PKIB: variants seen among roughly 807,000 people sequenced by gnomAD.
PKIB encodes PKI-beta.
In PKIB, 2 loss-of-function variants were observed where a neutral mutation model predicts 4.5. That is an observed-to-expected ratio of 0.44 (90% CI 0.18 to 1.39). PKIB has a LOEUF of 1.39. Among genes scored for constraint, PKIB ranks in the 40% most tolerant of loss-of-function variants. PKIB has a pLI of 0.27. For missense variants in PKIB, 94 were observed against 92.6 expected, an observed-to-expected ratio of 1.02 and a Z score of -0.06; for synonymous variants, 38 against 36.0, an observed-to-expected ratio of 1.06 and a Z score of -0.20.
rs1779904538 is a variant in PKIB, at chr6:122,725,143, A to G, written c.185A>G (p.Asp62Gly). 1.9e-6 allele frequency: 3 copies of G among 1,610,218 alleles called. No homozygotes were observed. Among genetic ancestry groups the G allele is most frequent in the African/African-American group, 1.3e-5 (1 of 74,624 alleles). ...LSVKEDAKEKDEKTTQDQLEK... is the reference protein window; with the variant it reads ...LSVKEDAKEKGEKTTQDQLEK... ...TTTTTTTCAGATGCAAAAGAGAAAGATGAAAAAACAACACAAGACCAATTG... is the reference window on the plus strand; with the variant it reads ...TTTTTTTCAGATGCAAAAGAGAAAGGTGAAAAAACAACACAAGACCAATTG... The change falls in exon 5 of 5, where the codon GAT becomes GGT. Residue 62 changes from aspartate (D) to glycine (G), a missense_variant. Physicochemically the swap from Asp to Gly is moderately conservative, Grantham distance 94. Coordinates refer to ENST00000368452, the MANE Select transcript of PKIB (RefSeq NM_181795.3).
intron 3 of PKIB, among the ~76,000 whole-genome samples, chr6:122,695,293 A>C (rs9388117): frequency 0.25 from 37,617 of 152,040 alleles, 5,126 homozygotes; most frequent in East Asian, 0.43. Context: ...CACCAATGAG[A>C]GAAGTATTTG....
chr6:122,543,120 C>T (rs9482251), intron 2 of PKIB, among the ~76,000 whole-genome samples: 1 of 152,036 alleles, frequency 6.6e-6, no homozygotes, highest in South Asian at 2.1e-4. Context: ...GTCTGTCACC[C>T]CTTTCTTTGA....
intron 1 of PKIB, among the ~76,000 whole-genome samples, chr6:122,628,773 C>T (rs1041246851): frequency 2.6e-5 from 4 of 152,186 alleles, no homozygotes; most frequent in Non-Finnish European, 5.9e-5. Flanking sequence ...CCTAGCCTGA[C>T]CTGACTCACA....
intron 3 of PKIB, among the ~76,000 whole-genome samples, chr6:122,596,382 G>A (rs1774178596): frequency 6.6e-6 from 1 of 152,170 alleles, no homozygotes; most frequent in South Asian, 2.1e-4. Flanking sequence ...GAGACCATGG[G>A]CATTTGAGCC....
chr6:122,506,316 C>T (rs145346711), intron 2 of PKIB, among the ~76,000 whole-genome samples: 18 of 152,082 alleles, frequency 1.2e-4, no homozygotes, highest in South Asian at 4.2e-4. Context: ...CTTTGGGCAC[C>T]GTTTGGTGGG....
At chr6:122,716,425 A>G (rs1779498489) in intron 3 of PKIB, among the ~76,000 whole-genome samples, 1 of 152,210 alleles carries the variant, frequency 6.6e-6, no homozygotes. Flanking sequence ...CACAGTTGCC[A>G]AATACCAAGC....
intron 1 of PKIB, among the ~76,000 whole-genome samples, chr6:122,623,192 T>C (rs937638691): frequency 6.6e-6 from 1 of 152,198 alleles, no homozygotes; most frequent in African/African-American, 2.4e-5. Context: ...TCTTTCTGTG[T>C]AGAAAGGTCA....
At chr6:122,501,730 G>A (rs746689445) in intron 2 of PKIB, among the ~76,000 whole-genome samples, 15 of 152,114 alleles carry the variant, frequency 9.9e-5, no homozygotes, top group Admixed American at 2.0e-4. Context: ...TCTGAAATGC[G>A]CTGAAGGCAA....
chr6:122,634,989 TA>T (rs1775858570), intron 2 of PKIB, among the ~76,000 whole-genome samples: 1 of 151,814 alleles, frequency 6.6e-6, no homozygotes, highest in Non-Finnish European at 1.5e-5. Flanking sequence ...AACCTACTTT[TA>T]TTATAAAATA....
intron 2 of PKIB, among the ~76,000 whole-genome samples, chr6:122,647,093 A>C (rs1776350530): frequency 6.6e-6 from 1 of 152,172 alleles, no homozygotes; most frequent in Admixed American, 6.5e-5. Context: ...TACATTAAGA[A>C]ACTTATTGTG....
intron 2 of PKIB, among the ~76,000 whole-genome samples, chr6:122,541,668 T>TG (rs1304902564): frequency 6.6e-6 from 1 of 151,908 alleles, no homozygotes; most frequent in Non-Finnish European, 1.5e-5. Context: ...GTCTTGGAGT[T>TG]GCTCTTCTCG....
At chr6:122,689,311 C>G (rs1778230823) in intron 3 of PKIB, among the ~76,000 whole-genome samples, 1 of 152,020 alleles carries the variant, frequency 6.6e-6, no homozygotes, top group South Asian at 2.1e-4. Flanking sequence ...ATTGTGGGTT[C>G]AGTTTTCTCT....
At chr6:122,495,042 T>C (rs1055940030) in intron 2 of PKIB, among the ~76,000 whole-genome samples, 3 of 152,224 alleles carry the variant, frequency 2.0e-5, no homozygotes, top group Non-Finnish European at 4.4e-5. Context: ...GCCACAGTGC[T>C]GAGGAGTGGC....
At chr6:122,616,728 A>G (rs572759869) in intron 1 of PKIB, among the ~76,000 whole-genome samples, 59 of 150,734 alleles carry the variant, frequency 3.9e-4, no homozygotes, top group African/African-American at 1.3e-3. Flanking sequence ...TTTTCTTTCT[A>G]TGGAAATAAC....
At chr6:122,593,271 C>T (rs1449377499) in intron 3 of PKIB, among the ~76,000 whole-genome samples, 1 of 152,094 alleles carries the variant, frequency 6.6e-6, no homozygotes, top group Non-Finnish European at 1.5e-5. Flanking sequence ...CCGATATAAT[C>T]CAGGGGCAGC....
intron 2 of PKIB, among the ~76,000 whole-genome samples, chr6:122,495,314 G>T (rs916081419): frequency 6.6e-6 from 1 of 151,972 alleles, no homozygotes; most frequent in Non-Finnish European, 1.5e-5. Context: ...GCCTTCCTCG[G>T]TGGAAGGCCC....
chr6:122,646,212 A>G (rs1470746170), intron 2 of PKIB, among the ~76,000 whole-genome samples: 2 of 152,206 alleles, frequency 1.3e-5, no homozygotes, highest in African/African-American at 4.8e-5. Flanking sequence ...AGAGAAAATT[A>G]TGTGGAAGTT....
chr6:122,561,644 A>T lies in PKIB; in HGVS notation c.-247-24277A>T, dbSNP rs9482254. Reference sequence around the variant, plus strand: ...GGATTGTAATATTTTCCTGTTGGGCAAGGCCTTTTACCTTTATATATTGTC... The same window carrying T: ...GGATTGTAATATTTTCCTGTTGGGCTAGGCCTTTTACCTTTATATATTGTC... On this transcript the variant is annotated intron_variant, in intron 2 of 6. Coordinates refer to the PKIB transcript ENST00000392491. Among the ~76,000 whole-genome samples, 87 of 152,078 alleles carry T rather than the reference A, an allele frequency of 5.7e-4. 1 individual carries two copies. Among genetic ancestry groups the T allele is most frequent in the African/African-American group, 2.1e-3 (87 of 41,500 alleles).
chr6:122,627,734 G>A (rs1483137905), intron 1 of PKIB, among the ~76,000 whole-genome samples: 2 of 152,060 alleles, frequency 1.3e-5, no homozygotes, highest in Non-Finnish European at 2.9e-5. Flanking sequence ...TTTTTCTTCA[G>A]TCTCACAGAC....
Sources: gnomAD v4.1 joint callset for allele counts (sites outside exome capture counted in the v4.1 genomes callset) on GRCh38, gnomAD v4.1.1 for gene constraint, MANE v1.5 for transcripts, NCBI Gene and HGNC (gene_info 2026-07-23, HGNC 2026-07-21) for gene names.